The following UBASH3B variants were observed in gnomAD, a reference collection of about 807,000 sequenced individuals.
The protein encoded by UBASH3B is ubiquitin-associated and SH3 domain-containing protein B.
UBASH3B carries 37 observed loss-of-function variants against 83.4 expected under a neutral mutation model. That is an observed-to-expected ratio of 0.44 (90% CI 0.34 to 0.58). The LOEUF is 0.58. UBASH3B is among the 20% of genes least tolerant of loss of function. The pLI is 0.01. For missense variants in UBASH3B, 657 were observed against 827.2 expected, an observed-to-expected ratio of 0.79 and a Z score of 2.52; for synonymous variants, 304 against 318.3, an observed-to-expected ratio of 0.96 and a Z score of 0.48.
At chr11:122,703,963 G>A (rs1371484530) in intron 1 of UBASH3B, among the ~76,000 whole-genome samples, 2 of 152,214 alleles carry the variant, frequency 1.3e-5, no homozygotes, top group Non-Finnish European at 2.9e-5. Flanking sequence ...AGATCTCTTG[G>A]CTTGGGGGAC....
rs775123851 is a variant in UBASH3B at position 122,794,793 on chromosome 11, G to T, written c.1072G>T (p.Gly358Trp). The stretch of plus-strand genomic sequence containing the variant: ...GCGGCCTTATGAGGACCAGGGGCTC[G>T]GGGAGACGACTCCTCTTACTATCAT... ...ERRPYEDQGL[G>W]ETTPLTIICQ... The change falls in exon 7 of 14, where the codon GGG (glycine) becomes TGG (tryptophan). Residue 358 changes from glycine to tryptophan, a missense_variant. Gly to Trp is a radical substitution (Grantham distance 184). Coordinates refer to ENST00000284273, the MANE Select transcript of UBASH3B (RefSeq NM_032873.5). 6.2e-7 allele frequency: 1 copy of T among 1,614,034 alleles called. No individual in the cohort carries two copies. Among genetic ancestry groups the T allele is most frequent in the Non-Finnish European group, 8.5e-7 (1 of 1,180,002 alleles).
At chr11:122,719,050 A>G (rs1465039843) in intron 1 of UBASH3B, among the ~76,000 whole-genome samples, 1 of 152,162 alleles carries the variant, frequency 6.6e-6, no homozygotes, top group Non-Finnish European at 1.5e-5. Context: ...AATAAATAAA[A>G]AACACTTACT....
intron 1 of UBASH3B, among the ~76,000 whole-genome samples, chr11:122,674,964 G>A (rs1254861660): frequency 1.3e-5 from 2 of 151,666 alleles, no homozygotes; most frequent in Non-Finnish European, 2.9e-5. Flanking sequence ...CCTCACCTCT[G>A]GTGATCCACC....
intron 7 of UBASH3B, among the ~76,000 whole-genome samples, chr11:122,795,657 AAAAC>A (rs1398600676): frequency 1.3e-5 from 2 of 152,244 alleles, no homozygotes; most frequent in Non-Finnish European, 2.9e-5. Context: ...TTAGAATAGG[AAAAC>A]AGGGTCTCAT....
intron 1 of UBASH3B, among the ~76,000 whole-genome samples, chr11:122,727,213 G>A (rs1322901885): frequency 6.6e-6 from 1 of 152,130 alleles, no homozygotes. Context: ...AGTTTCTGTT[G>A]CAGAGTTCTT....
At position 122,680,858 on chromosome 11, in the gene UBASH3B, A is replaced by G. The variant is rs752840903; in HGVS notation, c.161+24648A>G. 7.9e-5 allele frequency among the ~76,000 whole-genome samples: 12 copies of G among 152,310 alleles called. No individual in the cohort carries two copies. The East Asian group carries it at 2.3e-3, about 29-fold the overall frequency. On this transcript the variant is annotated intron_variant, in intron 1 of 13. Transcript: ENST00000284273. ...ACAGAGCAGAGTAAAGGATGCGTAA[A>G]AGGCAAATTAACCTTTTTTCTGATA...
At chr11:122,750,782 TG>T (rs2135967542) in intron 1 of UBASH3B, among the ~76,000 whole-genome samples, 1 of 152,342 alleles carries the variant, frequency 6.6e-6, no homozygotes, top group East Asian at 1.9e-4. Flanking sequence ...ATAGAGAAGC[TG>T]GGGACAAGTC....
chr11:122,739,737 T>A (rs1860994828), intron 1 of UBASH3B, among the ~76,000 whole-genome samples: 1 of 152,260 alleles, frequency 6.6e-6, no homozygotes, highest in Non-Finnish European at 1.5e-5. Context: ...ATAGCTCATT[T>A]GCTGTGTACC....
intron 1 of UBASH3B, among the ~76,000 whole-genome samples, chr11:122,767,599 C>A (rs1860571538): frequency 6.6e-6 from 1 of 152,220 alleles, no homozygotes; most frequent in Admixed American, 6.5e-5. Flanking sequence ...GCGTGAGCCA[C>A]CACGCCCGGC....
intron 1 of UBASH3B, among the ~76,000 whole-genome samples, chr11:122,710,327 G>A (rs762514435): frequency 2.0e-5 from 3 of 152,132 alleles, no homozygotes; most frequent in African/African-American, 4.8e-5. Flanking sequence ...AGCAAGTCCC[G>A]GAGCGGGCTG....
chr11:122,663,069 C>T lies in UBASH3B; in HGVS notation c.161+6859C>T, dbSNP rs148116081. Among the ~76,000 whole-genome samples the T allele has an allele frequency of 4.4e-3, 665 of 151,196 alleles. 17 individuals are homozygous for T. The highest frequency in any genetic ancestry group is 0.041 in the Admixed American group (615 of 15,118). ...CCGGCTCACTGCAACCTCCGCCTCC[C>T]GTGTTCAAGCAATTCTCCTGCCTCA... On this transcript the variant is annotated intron_variant, in intron 1 of 13. Transcript: ENST00000284273.
At chr11:122,699,669 G>T (rs1434125706) in intron 1 of UBASH3B, among the ~76,000 whole-genome samples, 30 of 151,186 alleles carry the variant, frequency 2.0e-4, no homozygotes. Context: ...TGCAACCTCC[G>T]CCTCCAGGGC....
intron 1 of UBASH3B, among the ~76,000 whole-genome samples, chr11:122,751,807 C>A (rs1227490230): frequency 1.3e-5 from 2 of 152,178 alleles, no homozygotes; most frequent in African/African-American, 4.8e-5. Context: ...CACATCACAT[C>A]CATCATTGTA....
chr11:122,695,385 C>T (rs952777413), intron 1 of UBASH3B, among the ~76,000 whole-genome samples: 7 of 152,268 alleles, frequency 4.6e-5, no homozygotes, highest in African/African-American at 7.2e-5. Context: ...TCAGAGCCTG[C>T]GGATGGGTGG....
rs35117227 is a variant in UBASH3B at position 122,674,724 on chromosome 11, G to GTT, written c.161+18535_161+18536dup. Among the ~76,000 whole-genome samples the GTT allele has an allele frequency of 7.5e-3, 839 of 112,230 alleles. 16 individuals carry two copies. The highest frequency in any genetic ancestry group is 0.037 in the East Asian group (138 of 3,698). The allele number at this position is 112,230 out of a possible 152,430, so 73.6% of individuals were successfully genotyped here. ...TCAGCACAGCAAAGCTCTGCAGTTA[G>GTT]TTTTTTTTTTTTTTTTTTTTTTGAG... On this transcript the variant is annotated intron_variant, in intron 1 of 13. Coordinates refer to ENST00000284273, the MANE Select transcript of UBASH3B (RefSeq NM_032873.5).
intron 1 of UBASH3B, among the ~76,000 whole-genome samples, chr11:122,754,004 C>G (rs923432330): frequency 6.6e-6 from 1 of 152,020 alleles, no homozygotes; most frequent in African/African-American, 2.4e-5. Context: ...GGTTTCATAT[C>G]TGCACTCTCT....
At chr11:122,725,647 A>C (rs900474774) in intron 1 of UBASH3B, among the ~76,000 whole-genome samples, 1 of 152,174 alleles carries the variant, frequency 6.6e-6, no homozygotes, top group Non-Finnish European at 1.5e-5. Flanking sequence ...TAGCCTACTC[A>C]GGAGGAAAAG....
chr11:122,656,353 G>T, intron 1 of UBASH3B, 143 bp downstream of exon 1: 1 of 866,436 alleles, frequency 1.2e-6, no homozygotes, highest in African/African-American at 1.8e-5. Flanking sequence ...CGGGATGGGC[G>T]CGCTGGCAAC....
chr11:122,770,052 A>G (rs1214717835), intron 1 of UBASH3B, among the ~76,000 whole-genome samples: 1 of 152,216 alleles, frequency 6.6e-6, no homozygotes, highest in Non-Finnish European at 1.5e-5. Context: ...AGGGAATTTC[A>G]TCCACTTGAA....
Sources: gnomAD v4.1 joint callset for allele counts (sites outside exome capture counted in the v4.1 genomes callset) on GRCh38, gnomAD v4.1.1 for gene constraint, MANE v1.5 for transcripts, NCBI Gene and HGNC (gene_info 2026-07-23, HGNC 2026-07-21) for gene names.